The following VPS13D variants were observed in gnomAD, a reference collection of about 807,000 sequenced individuals.
VPS13D encodes intermembrane lipid transfer protein VPS13D.
VPS13D carries 187 observed loss-of-function variants against 461.9 expected under a neutral mutation model. The observed-to-expected ratio is 0.40, with a 90% confidence interval of 0.36 to 0.46. The LOEUF (loss-of-function observed/expected upper bound fraction) is 0.46, where lower values mean the gene tolerates loss of function less well. VPS13D is among the 20% of genes least tolerant of loss of function. The pLI, the probability that VPS13D is intolerant of heterozygous loss-of-function variation, is 0.60. For missense variants in VPS13D, 4,711 were observed against 5,364.9 expected, an observed-to-expected ratio of 0.88 and a Z score of 3.81; for synonymous variants, 1,951 against 1,986.3, an observed-to-expected ratio of 0.98 and a Z score of 0.47.
chr1:12,433,666 C>T (rs1276579587), intron 65 of VPS13D, among the ~76,000 whole-genome samples: 1 of 152,146 alleles, frequency 6.6e-6, no homozygotes, highest in Non-Finnish European at 1.5e-5. Flanking sequence ...AGGCCTGTAA[C>T]ACAAAACTAT....
chr1:12,278,208 G>GT (rs1467537972), intron 19 of VPS13D, among the ~76,000 whole-genome samples, 170 bp downstream of exon 19: 1 of 152,170 alleles, frequency 6.6e-6, no homozygotes, highest in African/African-American at 2.4e-5. Flanking sequence ...AGGTTGGCAT[G>GT]TTTTCACCCT....
In VPS13D at chr1:12,360,999, T is replaced by A. The variant is rs565334677; in HGVS notation, c.10142-1721T>A. Among the ~76,000 whole-genome samples the A allele has an allele frequency of 1.4e-4, 22 of 152,254 alleles. 1 individual carries two copies. The South Asian group carries it at 3.9e-3, about 27-fold the overall frequency. The stretch of plus-strand genomic sequence containing the variant: ...ACAATACAAGCAAGCCTGATGAGGG[T>A]GCTGCTCCGGAGGCTGACTGCCTGG... On this transcript the variant is annotated intron_variant, in intron 50 of 69. Transcript: ENST00000620676.
At position 12,473,270 on chromosome 1, in the gene VPS13D, G is replaced by T. The variant is rs754528718; in HGVS notation, c.12662+12874G>T. Among the ~76,000 whole-genome samples the T allele has an allele frequency of 1.3e-5, 2 of 152,202 alleles. No individual in the cohort carries two copies. Among genetic ancestry groups the T allele is most frequent in the Non-Finnish European group, 2.9e-5 (2 of 68,036 alleles). ...AAGAGAAGCGCTTGTTTCAGAAAAA[G>T]ATGTGGAAAGGACGTAAAATCACAG... On this transcript the variant is annotated intron_variant, in intron 67 of 69. Transcript: ENST00000620676. This position sits in a 1 kb window ranked among gnomAD's most constrained non-coding sequence, Gnocchi z 4.2.
At chr1:12,476,588 G>T in intron 67 of VPS13D, among the ~76,000 whole-genome samples, 1 of 152,226 alleles carries the variant, frequency 6.6e-6, no homozygotes, top group Non-Finnish European at 1.5e-5. Context: ...ACATGTATAT[G>T]AATAACTGGA....
intron 66 of VPS13D, among the ~76,000 whole-genome samples, chr1:12,458,239 T>C (rs1463675062): frequency 6.6e-6 from 1 of 152,156 alleles, no homozygotes; most frequent in Non-Finnish European, 1.5e-5. Context: ...AAAAGACCTT[T>C]AGAAGGTGAT....
chr1:12,376,160 C>CT (rs1644195902), intron 55 of VPS13D, among the ~76,000 whole-genome samples: 1 of 152,292 alleles, frequency 6.6e-6, no homozygotes, highest in African/African-American at 2.4e-5. Context: ...TGCAGAGATG[C>CT]TTTCTGTTTC....
intron 1 of VPS13D, among the ~76,000 whole-genome samples, chr1:12,233,001 A>C (rs917102424): frequency 6.8e-6 from 1 of 147,918 alleles, no homozygotes; most frequent in Non-Finnish European, 1.5e-5. Flanking sequence ...TTGTTTCATG[A>C]GTTTCTTTTT....
chr1:12,467,201 T>G (rs1044468435), intron 67 of VPS13D, among the ~76,000 whole-genome samples: 7 of 152,252 alleles, frequency 4.6e-5, no homozygotes, highest in African/African-American at 1.7e-4. Context: ...AGACAGAGTC[T>G]TGCTCTGTCG....
chr1:12,268,915 A>C (rs779111426), intron 16 of VPS13D, 39 bp downstream of exon 16: 1 of 1,586,978 alleles, frequency 6.3e-7, no homozygotes, highest in Non-Finnish European at 8.6e-7. Flanking sequence ...GTTCCTTTTG[A>C]AAAACATCTT....
At chr1:12,481,147 C>T (rs1645710370) in intron 67 of VPS13D, among the ~76,000 whole-genome samples, 1 of 152,136 alleles carries the variant, frequency 6.6e-6, no homozygotes, top group African/African-American at 2.4e-5. Flanking sequence ...GGTGCTGTTG[C>T]CTCTGCATTG....
intron 57 of VPS13D, 36 bp from the exon 58 acceptor site, chr1:12,382,940 T>A: frequency 1.9e-6 from 3 of 1,578,324 alleles, no homozygotes; most frequent in Non-Finnish European, 1.7e-6. Context: ...AGTGCCTCTG[T>A]CTTTTCTCAC....
intron 24 of VPS13D, among the ~76,000 whole-genome samples, chr1:12,294,745 G>T (rs1642226962): frequency 6.6e-6 from 1 of 152,146 alleles, no homozygotes. Flanking sequence ...CTGGGAGGCG[G>T]AGGTTGGAGT....
At chr1:12,350,531 G>A (rs958921378) in intron 46 of VPS13D, among the ~76,000 whole-genome samples, 10 of 152,120 alleles carry the variant, frequency 6.6e-5, no homozygotes, top group African/African-American at 2.4e-4. Flanking sequence ...AACCAGTTCC[G>A]AGGGTAGAAG....
intron 2 of VPS13D, among the ~76,000 whole-genome samples, chr1:12,239,753 G>A (rs1193794793): frequency 6.6e-6 from 1 of 152,154 alleles, no homozygotes; most frequent in Admixed American, 6.5e-5. Flanking sequence ...ACTGAGAAAT[G>A]ACCTACCTCT....
intron 57 of VPS13D, among the ~76,000 whole-genome samples, chr1:12,382,593 A>T (rs1220638584): frequency 6.6e-6 from 1 of 152,144 alleles, no homozygotes; most frequent in Non-Finnish European, 1.5e-5. Context: ...ATTATTTTCT[A>T]TTTTCAGAAT....
rs1361117794 is a variant in VPS13D at position 12,313,397 on chromosome 1, TC to T, written c.6936-715del. ...ATCTCGGCTCACTGCAACCTCCACA[TC>T]CCTGGCTCAAGTGATCCTCCCACCT... On this transcript the variant is annotated intron_variant, in intron 29 of 69. Transcript: ENST00000620676. 2.8e-5 allele frequency among the ~76,000 whole-genome samples: 4 copies of T among 140,406 alleles called. No homozygotes were observed. The East Asian group carries it at 9.9e-4, about 35-fold the overall frequency. The allele number at this position is 140,406 out of a possible 152,430, so 92.1% of individuals were successfully genotyped here. A position where few individuals can be genotyped will look rare whatever the true frequency, so the allele number is the denominator to read the frequency against.
In VPS13D at chr1:12,356,503, C is replaced by A; in HGVS notation, c.9977C>A (p.Ala3326Asp). Residue 3326 changes from alanine (A) to aspartate (D), a missense_variant, in exon 49 of 70, where the codon GCT becomes GAT. By Grantham distance (126) the Ala-to-Asp change is moderately radical. Coordinates refer to ENST00000620676, the MANE Select transcript of VPS13D (RefSeq NM_015378.4). The stretch of plus-strand genomic sequence containing the variant: ...CTGAGTCCTCTCTTATTCTGCTATG[C>A]TGACAAAGAGCAGCCAAACCTGTGA... ...RSLSPLLFCY[A>D]DKEQPNLCTM... is the part of the protein sequence containing the mutation. The A allele has an allele frequency of 6.2e-7, 1 of 1,613,780 alleles. No individual in the cohort carries two copies. The highest frequency in any genetic ancestry group is 8.5e-7 in the Non-Finnish European group (1 of 1,179,892).
chr1:12,407,093 A>G (rs932203346), intron 63 of VPS13D, among the ~76,000 whole-genome samples: 8 of 152,250 alleles, frequency 5.3e-5, no homozygotes, highest in Admixed American at 4.6e-4. Flanking sequence ...GTTAAAAGGA[A>G]AAAAGATCCA....
At chr1:12,503,007 G>GTGGC (rs1262986215) in intron 68 of VPS13D, among the ~76,000 whole-genome samples, 1 of 152,214 alleles carries the variant, frequency 6.6e-6, no homozygotes, top group East Asian at 1.9e-4. Context: ...TGGCATCAGG[G>GTGGC]TGGCTGGCTC....
Sources: gnomAD v4.1 joint callset for allele counts (sites outside exome capture counted in the v4.1 genomes callset) on GRCh38, gnomAD v4.1.1 for gene constraint, Gnocchi (gnomAD v3.1) non-coding constraint, MANE v1.5 for transcripts, NCBI Gene and HGNC (gene_info 2026-07-23, HGNC 2026-07-21) for gene names.